The following KCNH8 variants were observed in gnomAD, a reference collection of about 807,000 sequenced individuals.
KCNH8 encodes potassium voltage-gated channel subfamily H member 8.
KCNH8 carries 70 observed loss-of-function variants against 103.6 expected under a neutral mutation model. The observed-to-expected ratio is 0.68, with a 90% CI of 0.56 to 0.82. The LOEUF (loss-of-function observed/expected upper bound fraction) is 0.82. Among genes scored for constraint, KCNH8 ranks in the 40% least tolerant of loss-of-function variants. The probability of loss-of-function intolerance (pLI) is 0.00; values close to 1 mark genes in which losing one functional copy is unlikely to be tolerated. For missense variants in KCNH8, 1,217 were observed against 1,329.9 expected (o/e 0.92, Z 1.32); for synonymous variants, 498 against 489.4 (o/e 1.02, Z -0.23).
intron 1 of KCNH8, among the ~76,000 whole-genome samples, chr3:19,199,273 G>C (rs1163177355): frequency 2.0e-5 from 3 of 151,982 alleles, no homozygotes; most frequent in Non-Finnish European, 4.4e-5. Flanking sequence ...GGTGCTTTTA[G>C]AACAGTAAGT....
chr3:19,411,003 C>T (rs899132599), intron 7 of KCNH8, among the ~76,000 whole-genome samples: 1 of 151,940 alleles, frequency 6.6e-6, no homozygotes, highest in Non-Finnish European at 1.5e-5. Flanking sequence ...GGGATTCTCC[C>T]TCACTCATTC....
At chr3:19,171,230 AT>A (rs1227942136) in intron 1 of KCNH8, among the ~76,000 whole-genome samples, 1 of 152,144 alleles carries the variant, frequency 6.6e-6, no homozygotes, top group Non-Finnish European at 1.5e-5. Flanking sequence ...AATATGAGTA[AT>A]TTCTTTTCCG....
intron 1 of KCNH8, among the ~76,000 whole-genome samples, chr3:19,226,745 AC>A (rs1300423795): frequency 6.6e-6 from 1 of 151,578 alleles, no homozygotes; most frequent in East Asian, 1.9e-4. Context: ...TTCACAAAAG[AC>A]CCCCTAGGAT....
intron 5 of KCNH8, among the ~76,000 whole-genome samples, chr3:19,376,316 A>T (rs899410351): frequency 6.6e-6 from 1 of 152,112 alleles, no homozygotes; most frequent in African/African-American, 2.4e-5. Context: ...CCATTTTTGA[A>T]GCCGGTCGGA....
At chr3:19,229,174 A>C (rs1453792506) in intron 1 of KCNH8, among the ~76,000 whole-genome samples, 2 of 152,242 alleles carry the variant, frequency 1.3e-5, no homozygotes, top group East Asian at 1.9e-4. Context: ...GTTCAAAAGT[A>C]GCTGAAGATG....
chr3:19,417,807 G>A (rs2066886140), intron 7 of KCNH8, among the ~76,000 whole-genome samples: 1 of 152,094 alleles, frequency 6.6e-6, no homozygotes, highest in African/African-American at 2.4e-5. Context: ...CTCTGAGACT[G>A]TTGCAGTTAA....
chr3:19,485,230 C>T (rs2068180716), intron 11 of KCNH8, among the ~76,000 whole-genome samples: 1 of 152,108 alleles, frequency 6.6e-6, no homozygotes, highest in Non-Finnish European at 1.5e-5. Context: ...ACTTCATAGG[C>T]CTTTTTAGTT....
intron 6 of KCNH8, among the ~76,000 whole-genome samples, chr3:19,393,995 A>G (rs554862959): frequency 4.6e-4 from 70 of 152,088 alleles, no homozygotes; most frequent in African/African-American, 1.5e-3. Context: ...TTTCTTAGAG[A>G]TAAGAGAATA....
At chr3:19,170,922 C>T (rs942775110) in intron 1 of KCNH8, among the ~76,000 whole-genome samples, 1 of 151,078 alleles carries the variant, frequency 6.6e-6, no homozygotes, top group Non-Finnish European at 1.5e-5. Flanking sequence ...AGCCATTTTC[C>T]TGCCTCAGCC....
At chr3:19,403,388 AT>A (rs2066644052) in intron 7 of KCNH8, among the ~76,000 whole-genome samples, 5 of 76,562 alleles carry the variant, frequency 6.5e-5, no homozygotes, top group African/African-American at 2.9e-4. Context: ...ATATATATAT[AT>A]ATATATATAT....
At chr3:19,423,958 T>G (rs1435760148) in intron 7 of KCNH8, among the ~76,000 whole-genome samples, 2 of 152,120 alleles carry the variant, frequency 1.3e-5, no homozygotes, top group African/African-American at 4.8e-5. Context: ...ATTTTTGATT[T>G]TTTAATTATG....
chr3:19,188,821 G>A (rs1389482624), intron 1 of KCNH8, among the ~76,000 whole-genome samples: 1 of 151,872 alleles, frequency 6.6e-6, no homozygotes, highest in Non-Finnish European at 1.5e-5. Flanking sequence ...GATTGATTTT[G>A]TTTGTAGAGA....
chr3:19,365,105 C>T (rs1196300997), intron 5 of KCNH8, among the ~76,000 whole-genome samples: 1 of 152,038 alleles, frequency 6.6e-6, no homozygotes, highest in African/African-American at 2.4e-5. Flanking sequence ...GAAATAATTC[C>T]ACCATTCTTT....
At chr3:19,225,022 A>T (rs751852068) in intron 1 of KCNH8, among the ~76,000 whole-genome samples, 113 of 152,232 alleles carry the variant, frequency 7.4e-4, no homozygotes, top group African/African-American at 1.8e-3. Context: ...AAGAAAAAGG[A>T]TATGAATGGG....
At chr3:19,403,952 T>G (rs1314963415) in intron 7 of KCNH8, among the ~76,000 whole-genome samples, 5 of 151,864 alleles carry the variant, frequency 3.3e-5, no homozygotes, top group Admixed American at 6.6e-5. Flanking sequence ...TATGTAGATT[T>G]TAGAGGCCCT....
In KCNH8 at chr3:19,524,670, T is replaced by C. The variant is rs958619109; in HGVS notation, c.2619+6596T>C. ...AATGCATGTAACTTTTGGAGACTGGTTGTTTTCGTCCTCTTTGCTTATGAT... is the reference window on the plus strand; with the variant it reads ...AATGCATGTAACTTTTGGAGACTGGCTGTTTTCGTCCTCTTTGCTTATGAT... On this transcript the variant is annotated intron_variant, in intron 15 of 15. Transcript: ENST00000328405. 2.6e-5 allele frequency among the ~76,000 whole-genome samples: 4 copies of C among 151,918 alleles called. No homozygotes were observed. In the South Asian group the frequency reaches 6.2e-4, roughly 24 times the overall value.
chr3:19,360,192 T>A (rs2065930181), intron 5 of KCNH8, among the ~76,000 whole-genome samples: 2 of 152,104 alleles, frequency 1.3e-5, no homozygotes, highest in African/African-American at 4.8e-5. Flanking sequence ...GCATTTATTC[T>A]TTTTTAGGTG....
chr3:19,315,092 G>A (rs1403656128), intron 3 of KCNH8, among the ~76,000 whole-genome samples: 1 of 151,916 alleles, frequency 6.6e-6, no homozygotes, highest in Non-Finnish European at 1.5e-5. Context: ...AGGGGAAAGA[G>A]GTAAGAAAAG....
chr3:19,367,420 G>T (rs1222294547), intron 5 of KCNH8, among the ~76,000 whole-genome samples: 1 of 143,910 alleles, frequency 6.9e-6, no homozygotes, highest in African/African-American at 2.5e-5. Context: ...ATATATATCA[G>T]AAATATATAT....
Sources: allele counts gnomAD v4.1 joint callset (sites outside exome capture counted in the v4.1 genomes callset), GRCh38; gene constraint gnomAD v4.1.1; transcripts MANE v1.5; gene names NCBI Gene and HGNC (gene_info 2026-07-23, HGNC 2026-07-21).